Variants in ATP8A1 observed in about 807,000 individuals in gnomAD.
ATP8A1 encodes the protein ATPase phospholipid transporting 8A1.
In ATP8A1, 90 loss-of-function variants were observed where a neutral mutation model predicts 177.7. The ratio of observed to expected loss-of-function variants is 0.51; its 90% CI spans 0.43 to 0.60. The LOEUF (loss-of-function observed/expected upper bound fraction) is 0.60, where lower values mean the gene tolerates loss of function less well. Ranked by LOEUF, ATP8A1 falls within the 20% of genes least tolerant of loss-of-function variation. ATP8A1 has a pLI of 0.00. For missense variants in ATP8A1, 1,072 were observed against 1,392.8 expected, an observed-to-expected ratio of 0.77 and a Z score of 3.67; for synonymous variants, 493 against 485.9, an observed-to-expected ratio of 1.01 and a Z score of -0.19.
chr4:42,510,984 A>C (rs2153195373), intron 22 of ATP8A1, among the ~76,000 whole-genome samples: 1 of 152,344 alleles, frequency 6.6e-6, no homozygotes, highest in Non-Finnish European at 1.5e-5. Flanking sequence ...CAAATCCTTA[A>C]GAAGAATAAT....
intron 33 of ATP8A1, among the ~76,000 whole-genome samples, chr4:42,437,484 A>G (rs1716125994): frequency 6.6e-6 from 1 of 152,162 alleles, no homozygotes; most frequent in African/African-American, 2.4e-5. Context: ...AGAGGAGAGG[A>G]AGACAGCAAC....
At chr4:42,637,041 A>T (rs562072465) in intron 1 of ATP8A1, 2 of 479,084 alleles carry the variant, frequency 4.2e-6, no homozygotes, top group East Asian at 1.1e-4. Flanking sequence ...CCTCTGTTGG[A>T]AGCCAAGTCC....
chr4:42,435,586 C>T (rs908489541), intron 33 of ATP8A1, among the ~76,000 whole-genome samples: 2 of 152,276 alleles, frequency 1.3e-5, no homozygotes, highest in South Asian at 2.1e-4. Context: ...CACTAGAATG[C>T]TGGGCCTGGA....
intron 21 of ATP8A1, among the ~76,000 whole-genome samples, chr4:42,524,474 A>C (rs1284663893): frequency 6.6e-6 from 1 of 151,950 alleles, no homozygotes; most frequent in African/African-American, 2.4e-5. Context: ...CGAGATACAA[A>C]GTGAAGTATC....
intron 5 of ATP8A1, among the ~76,000 whole-genome samples, chr4:42,603,336 G>A (rs1735488066): frequency 6.6e-6 from 1 of 152,060 alleles, no homozygotes; most frequent in African/African-American, 2.4e-5. Context: ...AACCTCACGA[G>A]GGTTATTTTT....
chr4:42,547,655 C>T (rs1729065346), intron 19 of ATP8A1, among the ~76,000 whole-genome samples: 1 of 152,142 alleles, frequency 6.6e-6, no homozygotes, highest in African/African-American at 2.4e-5. Context: ...ACGAGGAGTG[C>T]ACTTTGAAAA....
chr4:42,466,058 A>AG (rs1719731572), intron 25 of ATP8A1, among the ~76,000 whole-genome samples: 3 of 147,984 alleles, frequency 2.0e-5, no homozygotes, highest in Admixed American at 1.3e-4. Context: ...AAAAAAAAAA[A>AG]GGAATAAACA....
intron 25 of ATP8A1, among the ~76,000 whole-genome samples, chr4:42,465,629 T>G (rs538997377): frequency 3.3e-5 from 5 of 152,364 alleles, no homozygotes; most frequent in African/African-American, 9.6e-5. Context: ...AGCAACCTCT[T>G]ATACAAATGT....
At chr4:42,640,764 C>T (rs989253993) in intron 1 of ATP8A1, among the ~76,000 whole-genome samples, 1 of 152,168 alleles carries the variant, frequency 6.6e-6, no homozygotes, top group African/African-American at 2.4e-5. Flanking sequence ...GACTCGGTCT[C>T]TCCTTCCATC....
chr4:42,633,224 G>A (rs544837488), intron 1 of ATP8A1, among the ~76,000 whole-genome samples: 1 of 152,266 alleles, frequency 6.6e-6, no homozygotes, highest in South Asian at 2.1e-4. Context: ...TGAGAATGAC[G>A]ACACAGAGTC....
intron 25 of ATP8A1, among the ~76,000 whole-genome samples, chr4:42,476,554 G>A (rs567567553): frequency 6.6e-6 from 1 of 152,020 alleles, no homozygotes; most frequent in Non-Finnish European, 1.5e-5. Context: ...GGGAGGCAGA[G>A]GTTGCAGTCA....
intron 13 of ATP8A1, among the ~76,000 whole-genome samples, 161 bp downstream of exon 13, chr4:42,575,461 T>G (rs1732348716): frequency 6.6e-6 from 1 of 152,232 alleles, no homozygotes; most frequent in Non-Finnish European, 1.5e-5. Context: ...AAAAACTGAT[T>G]TATTAAAAAT....
chr4:42,551,311 C>G, intron 17 of ATP8A1, 31 bp from the exon 18 acceptor site: 2 of 1,494,578 alleles, frequency 1.3e-6, no homozygotes, highest in Non-Finnish European at 1.9e-6. Flanking sequence ...AAAGCAAACA[C>G]ATGATTGAAA....
rs565139270 is a variant in ATP8A1 at position 42,636,156 on chromosome 4, A to ACACACACGCGCGTGCGCGTGCG, written c.50-9048_50-9047insCGCACGCGCACGCGCGTGTGTG. ...CACACACACACACACACACACACAC[A>ACACACACGCGCGTGCGCGTGCG]CGCACACACACACACATAAGCTTCT... On this transcript the variant is annotated intron_variant, in intron 1 of 36. Coordinates refer to ENST00000381668, the MANE Select transcript of ATP8A1 (RefSeq NM_006095.2). 3.3e-5 allele frequency among the ~76,000 whole-genome samples: 3 copies of ACACACACGCGCGTGCGCGTGCG among 90,898 alleles called. No homozygotes were observed. The Admixed American group carries it at 3.6e-4, about 11-fold the overall frequency. 59.6% of individuals were successfully genotyped at this position (90,898 alleles called of 152,430 possible).
chr4:42,416,926 T>C (rs1713307508), intron 35 of ATP8A1, among the ~76,000 whole-genome samples: 1 of 152,228 alleles, frequency 6.6e-6, no homozygotes, highest in Non-Finnish European at 1.5e-5. Flanking sequence ...CCTTGGTTTC[T>C]AGTCAACATA....
At position 42,411,849 on chromosome 4, in the gene ATP8A1, C is replaced by T. The variant is rs1432448945; in HGVS notation, c.*1067G>A. 2.0e-5 allele frequency: 3 copies of T among 152,142 alleles called. No homozygotes were observed. Among genetic ancestry groups the T allele is most frequent in the Non-Finnish European group, 4.4e-5 (3 of 68,018 alleles). 9.4% of individuals were successfully genotyped at this position (152,142 alleles called of 1,614,324 possible). On this transcript the variant is annotated 3_prime_UTR_variant, in exon 37 of 37. Transcript: ENST00000381668. ...CAGTCTTCAGTATAGGGGGCAGTCA[C>T]CATAACACTGGGTGTGCTACACAAG...
chr4:42,605,584 A>G (rs1287754827), intron 5 of ATP8A1, among the ~76,000 whole-genome samples: 1 of 152,178 alleles, frequency 6.6e-6, no homozygotes, highest in Non-Finnish European at 1.5e-5. Context: ...AACCGCCTCC[A>G]AATCTGCTGC....
intron 18 of ATP8A1, among the ~76,000 whole-genome samples, chr4:42,549,799 T>TA (rs1481544344): frequency 1.3e-5 from 2 of 151,522 alleles, no homozygotes; most frequent in East Asian, 1.9e-4. Context: ...ACCCCATCTC[T>TA]AAAAAAAATA....
At chr4:42,443,718 A>G (rs1716893907) in intron 32 of ATP8A1, 46 bp from the exon 33 acceptor site, 1 of 828,536 alleles carries the variant, frequency 1.2e-6, no homozygotes, top group Non-Finnish European at 2.1e-6. Context: ...ATGTAGACCG[A>G]GTACACAAAT....
Sources: gnomAD v4.1 joint callset for allele counts (sites outside exome capture counted in the v4.1 genomes callset) on GRCh38, gnomAD v4.1.1 for gene constraint, MANE v1.5 for transcripts, NCBI Gene and HGNC (gene_info 2026-07-23, HGNC 2026-07-21) for gene names.